CCNT2: variants seen among roughly 807,000 people sequenced by gnomAD.
CCNT2 encodes the protein cyclin-T2.
A neutral mutation model predicts 70.0 loss-of-function variants in CCNT2; 18 were observed. The ratio of observed to expected loss-of-function variants is 0.26; its 90% CI spans 0.18 to 0.38. The LOEUF (loss-of-function observed/expected upper bound fraction) is 0.38, where lower values mean the gene tolerates loss of function less well. Among genes scored for constraint, CCNT2 ranks in the 10% least tolerant of loss-of-function variants. CCNT2 has a pLI of 1.00. For synonymous variants in CCNT2, 334 were observed against 313.3 expected (o/e 1.07, Z -0.70); for missense variants, 734 against 890.2 (o/e 0.82, Z 2.23).
At chr2:134,919,563 A>G (rs1219272516) in intron 1 of CCNT2, among the ~76,000 whole-genome samples, 1 of 152,126 alleles carries the variant, frequency 6.6e-6, no homozygotes, top group Non-Finnish European at 1.5e-5. Flanking sequence ...AGCCATTGAT[A>G]AATAGTTCCA....
intron 7 of CCNT2, among the ~76,000 whole-genome samples, chr2:134,948,371 A>G (rs1375245541): frequency 2.6e-5 from 4 of 152,206 alleles, no homozygotes; most frequent in Admixed American, 2.0e-4. Context: ...TTAGAATTCC[A>G]TAAGCTGACA....
At chr2:134,933,033 T>TA (rs1680896672) in intron 2 of CCNT2, among the ~76,000 whole-genome samples, 1 of 152,126 alleles carries the variant, frequency 6.6e-6, no homozygotes, top group South Asian at 2.1e-4. Flanking sequence ...TAGTCAGGGA[T>TA]TGGATAGGGG....
At chr2:134,936,489 T>TA (rs982810306) in intron 2 of CCNT2, among the ~76,000 whole-genome samples, 2 of 152,062 alleles carry the variant, frequency 1.3e-5, no homozygotes, top group Admixed American at 6.6e-5. Flanking sequence ...TACAGGGGCT[T>TA]ATGCCTGTAA....
intron 1 of CCNT2, among the ~76,000 whole-genome samples, 155 bp downstream of exon 1, chr2:134,919,167 G>C (rs1289871297): frequency 6.6e-6 from 1 of 152,236 alleles, no homozygotes; most frequent in Non-Finnish European, 1.5e-5. Context: ...AGTCGCGAGG[G>C]GTCAGCAGAG....
At position 134,954,639 on chromosome 2, in the gene CCNT2, G is replaced by T. The variant is rs142947931; in HGVS notation, c.2184G>T (p.Met728Ile). 14 of 1,592,630 alleles carry T rather than the reference G, an allele frequency of 8.8e-6. No individual in the cohort carries two copies. The highest frequency in any genetic ancestry group is 1.1e-5 in the Non-Finnish European group (13 of 1,163,440). ...ACTCACTGTTAAGTGCCCAAGGAAT[G>T]AACATGTAATAATTTGTTTAGGTCA... is the stretch of plus-strand genomic sequence containing the variant. ...MLDSLLSAQGMNM is the reference protein window; with the variant it reads ...MLDSLLSAQGINM Residue 728 changes from methionine (M) to isoleucine (I), a missense_variant, in exon 9 of 9, where the codon ATG becomes ATT. Coordinates refer to ENST00000264157, the MANE Select transcript of CCNT2 (RefSeq NM_058241.3).
chr2:134,954,744 T>A lies in CCNT2; in HGVS notation c.*96T>A. 1 of 700,306 alleles carries A rather than the reference T, an allele frequency of 1.4e-6. No homozygotes were observed. The allele number at this position is 700,306 out of a possible 1,614,324, so 43.4% of individuals were successfully genotyped here. On this transcript the variant is annotated 3_prime_UTR_variant, in exon 9 of 9. Coordinates refer to ENST00000264157, the MANE Select transcript of CCNT2 (RefSeq NM_058241.3). ...GATCTAGCAGTGGTAACCCCTGCTG[T>A]TGCTGCCACTGCTTCAATATTTGTA... is the stretch of plus-strand genomic sequence containing the variant.
At chr2:134,941,194 A>T (rs1039082124) in intron 4 of CCNT2, among the ~76,000 whole-genome samples, 12 of 152,224 alleles carry the variant, frequency 7.9e-5, no homozygotes, top group African/African-American at 2.9e-4. Context: ...AAGTTACACC[A>T]GGTGTTGCCT....
intron 4 of CCNT2, among the ~76,000 whole-genome samples, chr2:134,940,290 T>C (rs766242124): frequency 6.6e-6 from 1 of 152,084 alleles, no homozygotes; most frequent in Non-Finnish European, 1.5e-5. Context: ...ATAAATAATA[T>C]TGGAAAATTG....
chr2:134,931,937 AG>A (rs1220065090), intron 2 of CCNT2, among the ~76,000 whole-genome samples: 1 of 152,004 alleles, frequency 6.6e-6, no homozygotes, highest in Non-Finnish European at 1.5e-5. Flanking sequence ...AAGAGAGAGT[AG>A]ATAGAGCCTT....
chr2:134,940,093 G>T (rs1160336140), intron 4 of CCNT2, among the ~76,000 whole-genome samples: 1 of 152,106 alleles, frequency 6.6e-6, no homozygotes. Flanking sequence ...GAGTCATATC[G>T]TGAATTTGTC....
rs1362636272 is a variant in CCNT2 at position 134,953,795 on chromosome 2, C to T, written c.1340C>T (p.Thr447Ile). The T allele has an allele frequency of 1.2e-6, 2 of 1,613,932 alleles. No homozygotes were observed. Among genetic ancestry groups the T allele is most frequent in the Non-Finnish European group, 1.7e-6 (2 of 1,179,862 alleles). The change falls in exon 9 of 9, where the codon ACT (threonine) becomes ATT (isoleucine). Residue 447 changes from threonine (T) to isoleucine (I), a missense_variant. Physicochemically the swap from Thr to Ile is moderately conservative, Grantham distance 89. Around this residue, in one of 3 missense-constraint regions of CCNT2, gnomAD observed 532 missense variants for 556.9 expected, o/e 0.96. Coordinates refer to ENST00000264157, the MANE Select transcript of CCNT2 (RefSeq NM_058241.3). ...TATAGAGAAAAGCGTAAACTAGAAA[C>T]TCTTGATCTCGATGTAAGGGATCAT... is the stretch of plus-strand genomic sequence containing the variant. Reference protein sequence around the residue: ...DKYREKRKLETLDLDVRDHYI... With the variant: ...DKYREKRKLEILDLDVRDHYI...
chr2:134,951,931 A>G (rs41487551), intron 7 of CCNT2, among the ~76,000 whole-genome samples: 6,856 of 152,256 alleles, frequency 0.045, 250 homozygotes, highest in South Asian at 0.13. Flanking sequence ...ACAGTTCTCC[A>G]ATCTTTCCTT....
chr2:134,931,933 G>A lies in CCNT2; in HGVS notation c.241-4908G>A, dbSNP rs145029144. Among the ~76,000 whole-genome samples the A allele has an allele frequency of 3.1e-3, 468 of 152,154 alleles. 3 individuals are homozygous for A. The highest frequency in any genetic ancestry group is 0.011 in the African/African-American group (437 of 41,498). Reference sequence around the variant, plus strand: ...TTAGGAGCTGTGTCTATATAAGAGAGAGTAGATAGAGCCTTAACTATGAAA... The same window carrying A: ...TTAGGAGCTGTGTCTATATAAGAGAAAGTAGATAGAGCCTTAACTATGAAA... On this transcript the variant is annotated intron_variant, in intron 2 of 8. Transcript: ENST00000264157.
At chr2:134,928,270 A>ATT (rs1680442850) in intron 2 of CCNT2, among the ~76,000 whole-genome samples, 1 of 77,990 alleles carries the variant, frequency 1.3e-5, no homozygotes, top group South Asian at 5.0e-4. Flanking sequence ...CTCACATTGT[A>ATT]TTTCTTTTTT....
chr2:134,929,613 C>CAGAGAGAGAGAGAGAG (rs140163816), intron 2 of CCNT2, among the ~76,000 whole-genome samples: 6,692 of 117,518 alleles, frequency 0.057, 462 homozygotes, highest in East Asian at 0.12. Flanking sequence ...GTCTCAAAAA[C>CAGAGAGAGAGAGAGAG]AGAGAGAGAG....
At chr2:134,938,962 T>G in intron 3 of CCNT2, 40 bp from the exon 4 acceptor site, 1 of 1,337,894 alleles carries the variant, frequency 7.5e-7, no homozygotes, top group African/African-American at 1.4e-5. Context: ...AGTAATGTTA[T>G]TTTTATTTTA....
chr2:134,919,509 T>C (rs1412985899), intron 1 of CCNT2, among the ~76,000 whole-genome samples: 2 of 152,142 alleles, frequency 1.3e-5, no homozygotes, highest in Non-Finnish European at 2.9e-5. Context: ...TATGGGTGTG[T>C]GCGCGCGCGT....
At position 134,947,911 on chromosome 2, in the gene CCNT2, A is replaced by G; in HGVS notation, c.703+12A>G. The G allele has an allele frequency of 7.0e-7, 1 of 1,435,722 alleles. No individual in the cohort carries two copies. The highest frequency in any genetic ancestry group is 9.4e-7 in the Non-Finnish European group (1 of 1,067,334). The allele number at this position is 1,435,722 out of a possible 1,614,324, so 88.9% of individuals were successfully genotyped here. ...AGAATTATTAGATGGTAAGTAGAGAAAATAAATTTTTAAGTTTGGAATTAT... is the reference window on the plus strand; with the variant it reads ...AGAATTATTAGATGGTAAGTAGAGAGAATAAATTTTTAAGTTTGGAATTAT... On this transcript the variant is annotated intron_variant, in intron 7 of 8. Transcript: ENST00000264157.
chr2:134,950,183 G>T (rs1682359277), intron 7 of CCNT2, among the ~76,000 whole-genome samples: 1 of 152,208 alleles, frequency 6.6e-6, no homozygotes, highest in Non-Finnish European at 1.5e-5. Context: ...CCTGTCTTTA[G>T]GTCAGAGGTT....
Sources: gnomAD v4.1 joint callset for allele counts (sites outside exome capture counted in the v4.1 genomes callset) on GRCh38, gnomAD v4.1.1 for gene constraint, gnomAD v4.1.1 regional missense constraint, MANE v1.5 for transcripts, NCBI Gene and HGNC (gene_info 2026-07-23, HGNC 2026-07-21) for gene names.